PLCL2: variants seen among roughly 807,000 people sequenced by gnomAD.
PLCL2 encodes the protein inactive phospholipase C-like protein 2.
Under a neutral mutation model 79.6 loss-of-function variants are expected in PLCL2, and 4 were observed. The observed-to-expected ratio is 0.05, with a 90% CI of 0.02 to 0.11. The LOEUF (loss-of-function observed/expected upper bound fraction) is 0.11. Among genes scored for constraint, PLCL2 ranks in the 10% least tolerant of loss-of-function variants. The pLI is 1.00. For missense variants in PLCL2, 895 were observed against 1,291.0 expected, an observed-to-expected ratio of 0.69 and a Z score of 4.70; for synonymous variants, 484 against 457.7, an observed-to-expected ratio of 1.06 and a Z score of -0.73.
chr3:17,026,806 G>T (rs756105440), intron 3 of PLCL2, among the ~76,000 whole-genome samples: 3 of 152,066 alleles, frequency 2.0e-5, no homozygotes, highest in Non-Finnish European at 4.4e-5. Flanking sequence ...GGCAGAGGTT[G>T]CAGTGAGCTG....
chr3:16,973,355 C>CTTT (rs57892589), intron 1 of PLCL2, among the ~76,000 whole-genome samples: 3 of 137,796 alleles, frequency 2.2e-5, no homozygotes, highest in Non-Finnish European at 3.1e-5. Context: ...CTGCCTTTAA[C>CTTT]TTTTTTTTTT....
At chr3:17,068,715 C>T (rs141946288) in intron 5 of PLCL2, among the ~76,000 whole-genome samples, 50 of 152,226 alleles carry the variant, frequency 3.3e-4, no homozygotes, top group African/African-American at 9.9e-4. Flanking sequence ...ATCCCATCAT[C>T]GAGAGACAAT....
chr3:16,903,357 C>T lies in PLCL2; in HGVS notation c.327+17991C>T, dbSNP rs181360704. On this transcript the variant is annotated intron_variant, in intron 1 of 5. Transcript: ENST00000615277. ...TTGGGTAGGATGCATTGATACTATG[C>T]GTGGTCTGTAAGTTGCTATGGGGGT... is the stretch of plus-strand genomic sequence containing the variant. Among the ~76,000 whole-genome samples, 17 of 152,168 alleles carry T rather than the reference C, an allele frequency of 1.1e-4. No individual in the cohort carries two copies. The East Asian group carries it at 1.3e-3, about 12-fold the overall frequency.
intron 3 of PLCL2, among the ~76,000 whole-genome samples, chr3:17,038,705 TA>T (rs1311115467): frequency 6.6e-6 from 1 of 152,220 alleles, no homozygotes; most frequent in African/African-American, 2.4e-5. Context: ...AACATTGTTC[TA>T]AAAAACAACT....
At chr3:17,066,135 TG>T (rs1311191153) in intron 4 of PLCL2, among the ~76,000 whole-genome samples, 1 of 151,974 alleles carries the variant, frequency 6.6e-6, no homozygotes, top group African/African-American at 2.4e-5. Context: ...TGTGTGGCAT[TG>T]GGGTGGAAGG....
intron 4 of PLCL2, among the ~76,000 whole-genome samples, chr3:17,058,574 T>C (rs1320101317): frequency 6.6e-6 from 1 of 152,140 alleles, no homozygotes; most frequent in Non-Finnish European, 1.5e-5. Flanking sequence ...TTAAGTTTGA[T>C]ACGCCTAGTT....
chr3:17,025,700 G>A (rs567339626), intron 3 of PLCL2, among the ~76,000 whole-genome samples: 1 of 152,118 alleles, frequency 6.6e-6, no homozygotes, highest in East Asian at 1.9e-4. Flanking sequence ...GTCATGAGCT[G>A]GAAAAAAATT....
At chr3:17,043,209 T>C (rs974650920) in intron 4 of PLCL2, among the ~76,000 whole-genome samples, 4 of 152,206 alleles carry the variant, frequency 2.6e-5, no homozygotes, top group Admixed American at 2.6e-4. Flanking sequence ...CAGGTGTTTC[T>C]AATGTACAGC....
At chr3:16,959,891 G>A (rs991873368) in intron 1 of PLCL2, among the ~76,000 whole-genome samples, 1 of 152,118 alleles carries the variant, frequency 6.6e-6, no homozygotes, top group African/African-American at 2.4e-5. Context: ...GGATCACGAG[G>A]TCAGGGGATC....
chr3:17,047,237 A>G (rs2064789613), intron 4 of PLCL2, among the ~76,000 whole-genome samples: 1 of 152,256 alleles, frequency 6.6e-6, no homozygotes, highest in Non-Finnish European at 1.5e-5. Flanking sequence ...GGATGTTCCC[A>G]AAGATGTGAT....
At chr3:17,054,625 C>G (rs2077074068) in intron 4 of PLCL2, among the ~76,000 whole-genome samples, 1 of 152,044 alleles carries the variant, frequency 6.6e-6, no homozygotes, top group African/African-American at 2.4e-5. Context: ...AACCAGATCT[C>G]TTGAGAACTT....
intron 1 of PLCL2, among the ~76,000 whole-genome samples, chr3:16,981,150 G>GGGGAGAGGGAGAGGGAGA (rs11280620): frequency 6.6e-6 from 1 of 150,546 alleles, no homozygotes; most frequent in Admixed American, 6.6e-5. Context: ...GGGAGACTCG[G>GGGGAGAGGGAGAGGGAGA]GGGAGAGGGA....
intron 5 of PLCL2, among the ~76,000 whole-genome samples, chr3:17,083,482 T>G (rs1031859778): frequency 6.6e-6 from 1 of 152,146 alleles, no homozygotes; most frequent in Non-Finnish European, 1.5e-5. Flanking sequence ...GGCAAGGACT[T>G]TGACTCTCAC....
intron 1 of PLCL2, among the ~76,000 whole-genome samples, chr3:16,990,558 A>G (rs1200823617): frequency 6.6e-6 from 1 of 152,226 alleles, no homozygotes; most frequent in African/African-American, 2.4e-5. Flanking sequence ...AGTTAATTTC[A>G]GTGAACTCCT....
intron 3 of PLCL2, among the ~76,000 whole-genome samples, chr3:17,027,905 G>A (rs957611766): frequency 6.6e-6 from 1 of 152,184 alleles, no homozygotes; most frequent in African/African-American, 2.4e-5. Context: ...TTTTAATAGC[G>A]CCCGTGAGGC....
chr3:17,034,699 G>A (rs1033162778), intron 3 of PLCL2, among the ~76,000 whole-genome samples: 7 of 152,120 alleles, frequency 4.6e-5, no homozygotes, highest in African/African-American at 1.4e-4. Flanking sequence ...GTTTGATGAC[G>A]TTTTTGTGAC....
intron 1 of PLCL2, among the ~76,000 whole-genome samples, chr3:16,989,800 TG>T (rs2064085232): frequency 1.3e-5 from 2 of 152,222 alleles, no homozygotes; most frequent in South Asian, 4.1e-4. Flanking sequence ...AATGATTTCT[TG>T]TTAGCCCTTT....
intron 5 of PLCL2, among the ~76,000 whole-genome samples, chr3:17,074,680 A>T (rs900626284): frequency 1.1e-4 from 17 of 152,212 alleles, no homozygotes; most frequent in Non-Finnish European, 2.2e-4. Context: ...TCTTGGCTAA[A>T]TCTTCTGGGT....
At chr3:17,081,118 C>CT (rs2065158293) in intron 5 of PLCL2, 1 of 454,690 alleles carries the variant, frequency 2.2e-6, no homozygotes, top group African/African-American at 2.0e-5. Context: ...TGCATCCCCT[C>CT]TTTGTGGAGC....
Sources: allele counts gnomAD v4.1 joint callset (sites outside exome capture counted in the v4.1 genomes callset), GRCh38; gene constraint gnomAD v4.1.1; transcripts MANE v1.5; gene names NCBI Gene and HGNC (gene_info 2026-07-23, HGNC 2026-07-21).